LEMD3: variants seen among roughly 807,000 people sequenced by gnomAD.
LEMD3 encodes the protein LEM domain containing 3.
LEMD3 carries 33 observed loss-of-function variants against 95.2 expected under a neutral mutation model. The observed-to-expected ratio is 0.35, with a 90% CI of 0.26 to 0.46. LEMD3 has a LOEUF of 0.46. Ranked by LOEUF, LEMD3 falls within the 20% of genes least tolerant of loss-of-function variation. LEMD3 has a pLI of 1.00. For missense variants in LEMD3, 1,210 were observed against 1,192.8 expected, an observed-to-expected ratio of 1.01 and a Z score of -0.21; for synonymous variants, 525 against 474.6, an observed-to-expected ratio of 1.11 and a Z score of -1.38.
At chr12:65,187,838 G>A (rs1869115063) in intron 1 of LEMD3, among the ~76,000 whole-genome samples, 1 of 152,084 alleles carries the variant, frequency 6.6e-6, no homozygotes, top group African/African-American at 2.4e-5. Context: ...CTCTAGGGAA[G>A]GTTCTGAGTT....
At chr12:65,220,649 A>G (rs921419983) in intron 4 of LEMD3, among the ~76,000 whole-genome samples, 1 of 152,134 alleles carries the variant, frequency 6.6e-6, no homozygotes, top group East Asian at 1.9e-4. Flanking sequence ...TGCCCATATC[A>G]ACGTCAAGAA....
intron 2 of LEMD3, among the ~76,000 whole-genome samples, chr12:65,214,698 A>G (rs117250744): frequency 6.6e-6 from 1 of 152,340 alleles, no homozygotes; most frequent in Non-Finnish European, 1.5e-5. Flanking sequence ...AATTTGCTCC[A>G]TGATCTGTTC....
chr12:65,184,633 A>G (rs1484357671), intron 1 of LEMD3, among the ~76,000 whole-genome samples: 1 of 152,176 alleles, frequency 6.6e-6, no homozygotes. Flanking sequence ...CTAAGTGCTC[A>G]ATAACTTCAA....
At chr12:65,203,434 T>C (rs1869664198) in intron 1 of LEMD3, among the ~76,000 whole-genome samples, 2 of 152,196 alleles carry the variant, frequency 1.3e-5, no homozygotes, top group African/African-American at 4.8e-5. Flanking sequence ...TGTTGTTTAA[T>C]CCCCAAGTAT....
At chr12:65,208,332 C>T (rs1042463052) in intron 1 of LEMD3, among the ~76,000 whole-genome samples, 6 of 151,892 alleles carry the variant, frequency 4.0e-5, no homozygotes, top group Admixed American at 6.6e-5. Context: ...TTTGAAGTAC[C>T]GTCTTGGTAT....
intron 1 of LEMD3, among the ~76,000 whole-genome samples, chr12:65,174,602 T>G (rs1216254951): frequency 6.6e-6 from 1 of 152,170 alleles, no homozygotes; most frequent in Admixed American, 6.5e-5. Context: ...AAGTATTAGA[T>G]CCTTTCTGAC....
Position 65,170,125 on chromosome 12 carries a change from C to T in LEMD3, c.529C>T (p.Leu177=), listed in dbSNP as rs1395172278. 6.8e-7 allele frequency: 1 copy of T among 1,461,304 alleles called. No individual in the cohort carries two copies. Among genetic ancestry groups the T allele is most frequent in the Non-Finnish European group, 9.0e-7 (1 of 1,112,548 alleles). The allele number at this position is 1,461,304 out of a possible 1,614,324, so 90.5% of individuals were successfully genotyped here. Residue 177 remains leucine, a synonymous_variant, in exon 1 of 13, where the codon CTG becomes TTG. Transcript: ENST00000308330. ...CGGGCTCAAAGCGCCGCCGGCGCCC[C>T]TGGCCGCCAGCGAGGTGACTAACAG... ...YRGLKAPPAP[L]AASEVTNSNS... is the part of the protein sequence containing the mutation.
At chr12:65,208,967 TA>T (rs1869846851) in intron 1 of LEMD3, among the ~76,000 whole-genome samples, 1 of 152,152 alleles carries the variant, frequency 6.6e-6, no homozygotes, top group Admixed American at 6.6e-5. Context: ...TCTGTTACCC[TA>T]TCCCTCTCCC....
At position 65,201,798 on chromosome 12, in the gene LEMD3, G is replaced by C. The variant is rs185348306; in HGVS notation, c.1523-9128G>C. ...CTTCTTATTGCATTAGCTAGGACTTGCAGTATGATGTTGCAGTGCAGTGGT... is the reference window on the plus strand; with the variant it reads ...CTTCTTATTGCATTAGCTAGGACTTCCAGTATGATGTTGCAGTGCAGTGGT... On this transcript the variant is annotated intron_variant, in intron 1 of 12. Transcript: ENST00000308330. Among the ~76,000 whole-genome samples, 4 of 152,160 alleles carry C rather than the reference G, an allele frequency of 2.6e-5. No individual in the cohort carries two copies. In the East Asian group the frequency reaches 5.8e-4, roughly 22 times the overall value.
chr12:65,175,476 CT>C (rs1868689108), intron 1 of LEMD3, among the ~76,000 whole-genome samples: 1 of 152,202 alleles, frequency 6.6e-6, no homozygotes, highest in African/African-American at 2.4e-5. Flanking sequence ...AGCCATTCCT[CT>C]GCTACCTCTC....
intron 4 of LEMD3, among the ~76,000 whole-genome samples, chr12:65,224,725 G>A (rs1295887891): frequency 6.6e-6 from 1 of 152,124 alleles, no homozygotes; most frequent in East Asian, 1.9e-4. Flanking sequence ...ATCCTCATTA[G>A]GATTCATTGG....
chr12:65,240,257 G>A lies in LEMD3; in HGVS notation c.2126+19G>A, dbSNP rs1181385424. The stretch of plus-strand genomic sequence containing the variant: ...ATGACAGGTGTGTTCAAAGCATTAT[G>A]AGTTCAAGTAAATCAGAAAATTTAA... On this transcript the variant is annotated intron_variant, in intron 8 of 12. Coordinates refer to ENST00000308330, the MANE Select transcript of LEMD3 (RefSeq NM_014319.5). The A allele has an allele frequency of 5.8e-6, 9 of 1,546,282 alleles. No individual in the cohort carries two copies. In the East Asian group the frequency reaches 2.0e-4, roughly 35 times the overall value.
chr12:65,212,263 G>A (rs1205930361), intron 2 of LEMD3, among the ~76,000 whole-genome samples: 5 of 152,102 alleles, frequency 3.3e-5, no homozygotes, highest in African/African-American at 1.2e-4. Flanking sequence ...CCCACAACAC[G>A]TGGGGATTAT....
At chr12:65,171,830 ATC>A (rs66495139) in intron 1 of LEMD3, 6,400 of 152,548 alleles carry the variant, frequency 0.042, 222 homozygotes, top group East Asian at 0.15. Context: ...TAATCAAAGT[ATC>A]TCTGCCCTTA....
At chr12:65,172,085 G>A (rs1480663172) in intron 1 of LEMD3, among the ~76,000 whole-genome samples, 1 of 152,196 alleles carries the variant, frequency 6.6e-6, no homozygotes, top group Admixed American at 6.5e-5. Context: ...AAGGCCTTGA[G>A]TTGAGCAAGA....
At chr12:65,198,571 T>A (rs2136328910) in intron 1 of LEMD3, among the ~76,000 whole-genome samples, 2 of 152,252 alleles carry the variant, frequency 1.3e-5, no homozygotes, top group Non-Finnish European at 2.9e-5. Flanking sequence ...TTGAATCTGA[T>A]CCTTGTATAT....
In LEMD3 at chr12:65,170,397, CG is replaced by C; in HGVS notation, c.802del (p.Asp268ThrfsTer9). 1 of 1,614,076 alleles carries C rather than the reference CG, an allele frequency of 6.2e-7. No individual in the cohort carries two copies. ...YSDSEEEDDD[D>X]VASSRQVLKD... is the part of the protein sequence containing the mutation. ...CGGACTCAGAGGAAGAGGACGACGACGACGTGGCCTCCAGCAGACAGGTATT... is the reference window on the plus strand; with the variant it reads ...CGGACTCAGAGGAAGAGGACGACGACACGTGGCCTCCAGCAGACAGGTATT... On this transcript the variant is annotated frameshift_variant, in exon 1 of 13. Coordinates refer to ENST00000308330, the MANE Select transcript of LEMD3 (RefSeq NM_014319.5). LOFTEE classifies it high-confidence loss of function.
At chr12:65,189,401 C>T (rs1362513611) in intron 1 of LEMD3, among the ~76,000 whole-genome samples, 1 of 152,160 alleles carries the variant, frequency 6.6e-6, no homozygotes, top group Non-Finnish European at 1.5e-5. Context: ...GTCAAGGTTT[C>T]TAGATTTGAG....
At chr12:65,220,634 A>G (rs753692020) in intron 4 of LEMD3, among the ~76,000 whole-genome samples, 2 of 152,126 alleles carry the variant, frequency 1.3e-5, no homozygotes, top group African/African-American at 4.8e-5. Flanking sequence ...TGTCCAAGAA[A>G]TTATTGCCCA....
Sources: allele counts gnomAD v4.1 joint callset (sites outside exome capture counted in the v4.1 genomes callset), GRCh38; gene constraint gnomAD v4.1.1; transcripts MANE v1.5; gene names NCBI Gene and HGNC (gene_info 2026-07-23, HGNC 2026-07-21).